Variants in CPPED1 observed in about 807,000 individuals in gnomAD.
CPPED1 encodes the protein calcineurin like phosphoesterase domain containing 1, also known as serine/threonine-protein phosphatase CPPED1.
A neutral mutation model predicts 28.0 loss-of-function variants in CPPED1; 28 were observed. That is an observed-to-expected ratio of 1.00 (90% confidence interval 0.74 to 1.37). The LOEUF (loss-of-function observed/expected upper bound fraction) is 1.37. CPPED1 is among the 40% of genes most tolerant of loss of function. The pLI is 0.00. For missense variants in CPPED1, 504 were observed against 416.5 expected, an observed-to-expected ratio of 1.21 and a Z score of -1.83; for synonymous variants, 198 against 180.2, an observed-to-expected ratio of 1.10 and a Z score of -0.79.
chr16:12,731,724 C>A (rs2080198819), intron 2 of CPPED1, among the ~76,000 whole-genome samples: 1 of 144,954 alleles, frequency 6.9e-6, no homozygotes, highest in Non-Finnish European at 1.5e-5. Context: ...CTTTTTCATT[C>A]TTTTTTTTTT....
At chr16:12,678,507 T>G (rs2079889498) in intron 3 of CPPED1, among the ~76,000 whole-genome samples, 1 of 152,220 alleles carries the variant, frequency 6.6e-6, no homozygotes, top group Admixed American at 6.5e-5. Context: ...AATGCCGTAT[T>G]AACATTGGCC....
chr16:12,736,389 A>G (rs1324319562), intron 2 of CPPED1, among the ~76,000 whole-genome samples: 2 of 151,904 alleles, frequency 1.3e-5, no homozygotes, highest in Non-Finnish European at 2.9e-5. Flanking sequence ...ACAGGCACAT[A>G]CCACCATGCC....
rs1190124038 is a variant in CPPED1, at chr16:12,662,922, T to G, written c.*1964A>C. The stretch of plus-strand genomic sequence containing the variant: ...CTTCTGCAAACCCATGTGCCACAAT[T>G]CAGAGCATTGTGCATACGTAAGAAC... On this transcript the variant is annotated 3_prime_UTR_variant, in exon 4 of 4. Coordinates refer to ENST00000381774, the MANE Select transcript of CPPED1 (RefSeq NM_018340.3). The G allele has an allele frequency of 6.6e-6, 1 of 152,226 alleles. No individual in the cohort carries two copies. Among genetic ancestry groups the G allele is most frequent in the East Asian group, 1.9e-4 (1 of 5,204 alleles). The allele number at this position is 152,226 out of a possible 1,614,324, so 9.4% of individuals were successfully genotyped here. A position where few individuals can be genotyped will look rare whatever the true frequency, so the allele number is the denominator to read the frequency against.
chr16:12,755,386 A>G (rs1219555088), intron 2 of CPPED1, among the ~76,000 whole-genome samples: 2 of 151,530 alleles, frequency 1.3e-5, no homozygotes, highest in African/African-American at 2.4e-5. Context: ...GGCTCAAGCA[A>G]TCCTCCTACC....
intron 2 of CPPED1, among the ~76,000 whole-genome samples, chr16:12,735,129 G>A (rs982300987): frequency 6.6e-6 from 1 of 152,164 alleles, no homozygotes; most frequent in African/African-American, 2.4e-5. Context: ...GGATGTCCAG[G>A]TGATATCGGG....
intron 3 of CPPED1, among the ~76,000 whole-genome samples, chr16:12,674,143 C>A (rs549105815): frequency 3.2e-4 from 48 of 152,266 alleles, no homozygotes; most frequent in South Asian, 2.1e-3. Context: ...AGAGAGTCCT[C>A]CCCCAATTCC....
At chr16:12,803,623 G>C (rs1315152176) in intron 1 of CPPED1, 84 bp downstream of exon 1, 31 of 1,193,072 alleles carry the variant, frequency 2.6e-5, no homozygotes, top group Middle Eastern at 2.2e-4. Context: ...CCGACTGGCG[G>C]AGCGCACACC....
At chr16:12,666,094 C>T (rs560389369) in intron 3 of CPPED1, among the ~76,000 whole-genome samples, 8 of 151,994 alleles carry the variant, frequency 5.3e-5, no homozygotes, top group South Asian at 4.2e-4. Flanking sequence ...CCAGCCTGGG[C>T]GACAAGAGCA....
intron 2 of CPPED1, among the ~76,000 whole-genome samples, chr16:12,756,321 G>T (rs928086472): frequency 3.3e-5 from 5 of 152,082 alleles, no homozygotes; most frequent in African/African-American, 1.2e-4. Context: ...GCAAATTATG[G>T]GAGTGATCTG....
At chr16:12,715,964 C>T (rs1351461657) in intron 2 of CPPED1, among the ~76,000 whole-genome samples, 1 of 151,976 alleles carries the variant, frequency 6.6e-6, no homozygotes, top group Non-Finnish European at 1.5e-5. Flanking sequence ...GACTGGACAC[C>T]CCTGGTTTAG....
chr16:12,691,541 T>C (rs7193103), intron 3 of CPPED1, among the ~76,000 whole-genome samples: 45,838 of 151,910 alleles, frequency 0.3, 8,792 homozygotes, highest in African/African-American at 0.55. Context: ...TTATTCACAA[T>C]AGCAAAGACT....
At chr16:12,733,900 G>A (rs2080212351) in intron 2 of CPPED1, among the ~76,000 whole-genome samples, 1 of 150,814 alleles carries the variant, frequency 6.6e-6, no homozygotes. Context: ...AATAAAGACA[G>A]AAAACAAAAT....
intron 3 of CPPED1, among the ~76,000 whole-genome samples, chr16:12,689,999 C>A (rs1245242137): frequency 6.6e-6 from 1 of 152,242 alleles, no homozygotes; most frequent in African/African-American, 2.4e-5. Flanking sequence ...TTGAAATTAA[C>A]TGATTGCCAT....
chr16:12,765,536 T>G (rs1567300800), intron 2 of CPPED1, among the ~76,000 whole-genome samples: 2 of 152,240 alleles, frequency 1.3e-5, no homozygotes, highest in Non-Finnish European at 2.9e-5. Flanking sequence ...AAAGGTATAT[T>G]ATCCAAGTGA....
chr16:12,798,016 G>C (rs550458595), intron 1 of CPPED1, among the ~76,000 whole-genome samples: 1 of 152,298 alleles, frequency 6.6e-6, no homozygotes, highest in South Asian at 2.1e-4. Context: ...ACCACAGGTT[G>C]AGGCTGCAAA....
intron 1 of CPPED1, 143 bp downstream of exon 1, chr16:12,803,564 T>C (rs1596492000): frequency 1.5e-6 from 1 of 660,962 alleles, no homozygotes; most frequent in East Asian, 3.4e-5. Context: ...GAGCAGGCTT[T>C]GATGCAGCTA....
intron 3 of CPPED1, among the ~76,000 whole-genome samples, chr16:12,702,124 T>C (rs2080023838): frequency 1.3e-5 from 2 of 152,128 alleles, no homozygotes; most frequent in East Asian, 3.9e-4. Context: ...AGACCAGCTC[T>C]TGGTTTGCCA....
chr16:12,770,112 G>T (rs568710573), intron 2 of CPPED1, among the ~76,000 whole-genome samples: 1 of 152,328 alleles, frequency 6.6e-6, no homozygotes, highest in Admixed American at 6.5e-5. Flanking sequence ...ACATGAAAGG[G>T]ATGGAGGCTG....
At chr16:12,748,383 G>A (rs2080304929) in intron 2 of CPPED1, among the ~76,000 whole-genome samples, 1 of 152,102 alleles carries the variant, frequency 6.6e-6, no homozygotes, top group East Asian at 1.9e-4. Context: ...TGTGAGATAC[G>A]ATACCATTTA....
Sources: gnomAD v4.1 joint callset for allele counts (sites outside exome capture counted in the v4.1 genomes callset) on GRCh38, gnomAD v4.1.1 for gene constraint, MANE v1.5 for transcripts, NCBI Gene and HGNC (gene_info 2026-07-23, HGNC 2026-07-21) for gene names.